The following ARHGAP6 variants were observed in gnomAD, a reference collection of about 807,000 sequenced individuals.
ARHGAP6 encodes the protein rho GTPase-activating protein 6.
A neutral mutation model predicts 55.7 loss-of-function variants in ARHGAP6; 16 were observed. That is an observed-to-expected ratio of 0.29 (90% CI 0.19 to 0.44). The LOEUF (loss-of-function observed/expected upper bound fraction) is 0.44. Among genes scored for constraint, ARHGAP6 ranks in the 20% least tolerant of loss-of-function variants. ARHGAP6 has a pLI of 1.00. For synonymous variants in ARHGAP6, 382 were observed against 360.9 expected (o/e 1.06, Z -0.66); for missense variants, 698 against 808.9 (o/e 0.86, Z 1.66).
At chrX:11,650,882 CAT>C (rs2052576635) in intron 1 of ARHGAP6, among the ~76,000 whole-genome samples, 1 of 112,348 alleles carries the variant, frequency 8.9e-6, no homozygotes, top group South Asian at 3.7e-4. Flanking sequence ...GGATAATCTT[CAT>C]ATCACCTTTC....
intron 10 of ARHGAP6, chrX:11,148,742 G>A (rs371520368): frequency 1.9e-5 from 7 of 368,020 alleles, no homozygotes; most frequent in Non-Finnish European, 2.6e-5. Flanking sequence ...GGAAAACTCC[G>A]GTTCAATCAC....
intron 1 of ARHGAP6, among the ~76,000 whole-genome samples, chrX:11,488,699 G>A (rs965696415): frequency 1.8e-5 from 2 of 110,926 alleles, no homozygotes; most frequent in Non-Finnish European, 3.8e-5. Flanking sequence ...TATTCTCAAA[G>A]GAGTGTGAAC....
intron 1 of ARHGAP6, among the ~76,000 whole-genome samples, chrX:11,268,088 G>A (rs748899225): frequency 3.2e-4 from 36 of 111,892 alleles, no homozygotes; most frequent in Admixed American, 6.6e-4. Context: ...AAGAATCTAT[G>A]CCATTAAGCA....
intron 1 of ARHGAP6, chrX:11,427,722 G>T (rs972553827): frequency 1.3e-6 from 1 of 783,340 alleles, no homozygotes; most frequent in African/African-American, 2.3e-5. Context: ...TGCGTGCCGA[G>T]TGCTGTGCAA....
At chrX:11,225,637 AT>A in intron 2 of ARHGAP6, 1 of 480,274 alleles carries the variant, frequency 2.1e-6, no homozygotes. Context: ...AATTTATCCG[AT>A]TTTAATCACT....
intron 1 of ARHGAP6, among the ~76,000 whole-genome samples, chrX:11,564,246 T>A (rs1314170526): frequency 1.8e-5 from 2 of 111,688 alleles, no homozygotes; most frequent in Non-Finnish European, 3.8e-5. Flanking sequence ...AAACAAAATT[T>A]CAGTATTAGG....
chrX:11,616,416 T>C (rs1314874534), intron 1 of ARHGAP6, among the ~76,000 whole-genome samples: 1 of 111,020 alleles, frequency 9.0e-6, no homozygotes, highest in Admixed American at 9.6e-5. Context: ...AACCTCTACC[T>C]CCCAGTTCAA....
intron 1 of ARHGAP6, among the ~76,000 whole-genome samples, chrX:11,414,609 T>C (rs1013682691): frequency 1.8e-5 from 2 of 110,803 alleles, no homozygotes; most frequent in African/African-American, 6.6e-5. Flanking sequence ...GAGGAAGATA[T>C]GGTGAAGGTG....
chrX:11,451,542 G>T (rs1212237057), intron 1 of ARHGAP6, among the ~76,000 whole-genome samples: 1 of 112,102 alleles, frequency 8.9e-6, no homozygotes, highest in Non-Finnish European at 1.9e-5. Context: ...TTATATGAAA[G>T]CGAATCTAGC....
At chrX:11,238,780 T>C (rs1037710257) in intron 2 of ARHGAP6, among the ~76,000 whole-genome samples, 11 of 111,459 alleles carry the variant, frequency 9.9e-5, no homozygotes, top group African/African-American at 3.3e-4. Context: ...GCTATACTAG[T>C]GAGCCTGGGA....
At chrX:11,352,034 T>C (rs1315761562) in intron 1 of ARHGAP6, among the ~76,000 whole-genome samples, 2 of 112,617 alleles carry the variant, frequency 1.8e-5, no homozygotes, top group African/African-American at 6.4e-5. Flanking sequence ...ATGTGTATAT[T>C]TTACTGTTGT....
chrX:11,195,368 A>G (rs979836469), intron 3 of ARHGAP6, among the ~76,000 whole-genome samples: 11 of 109,677 alleles, frequency 1.0e-4, no homozygotes, highest in Non-Finnish European at 2.1e-4. Flanking sequence ...AAAAAAAGGC[A>G]CAAAAAATTG....
intron 1 of ARHGAP6, among the ~76,000 whole-genome samples, chrX:11,559,493 T>A (rs751454853): frequency 8.9e-6 from 1 of 111,769 alleles, no homozygotes; most frequent in Non-Finnish European, 1.9e-5. Context: ...AATCACTGAT[T>A]TATTTATCTA....
chrX:11,479,737 T>A (rs2050437371), intron 1 of ARHGAP6, among the ~76,000 whole-genome samples: 1 of 112,145 alleles, frequency 8.9e-6, no homozygotes, highest in Non-Finnish European at 1.9e-5. Context: ...TCATCTCTCC[T>A]GGACCTTGAG....
At chrX:11,214,658 T>C (rs1446919335) in intron 2 of ARHGAP6, among the ~76,000 whole-genome samples, 5 of 113,285 alleles carry the variant, frequency 4.4e-5, no homozygotes, top group Non-Finnish European at 1.9e-5. Context: ...ACAGCTACCA[T>C]GGGTGGTCCC....
At chrX:11,428,346 C>T (rs112910357) in intron 1 of ARHGAP6, among the ~76,000 whole-genome samples, 1 of 111,621 alleles carries the variant, frequency 9.0e-6, no homozygotes, top group Non-Finnish European at 1.9e-5. Flanking sequence ...TAGGGTGACC[C>T]GAGTTCCAGG....
chrX:11,273,113 C>A (rs1413563953), intron 1 of ARHGAP6, among the ~76,000 whole-genome samples: 1 of 110,637 alleles, frequency 9.0e-6, no homozygotes, highest in Non-Finnish European at 1.9e-5. Flanking sequence ...CTACACCCCT[C>A]CCCAAACCTC....
intron 1 of ARHGAP6, among the ~76,000 whole-genome samples, chrX:11,618,132 G>A (rs62588052): frequency 0.16 from 17,206 of 110,633 alleles, 1,246 homozygotes; most frequent in Middle Eastern, 0.26. Flanking sequence ...ACAAACTAAG[G>A]AATGCAGGCA....
At chrX:11,357,981 C>G (rs1287069081) in intron 1 of ARHGAP6, among the ~76,000 whole-genome samples, 1 of 111,720 alleles carries the variant, frequency 9.0e-6, no homozygotes, top group Non-Finnish European at 1.9e-5. Flanking sequence ...TTACCACAAT[C>G]AACTTTGGAG....
Sources: gnomAD v4.1 joint callset for allele counts (sites outside exome capture counted in the v4.1 genomes callset) on GRCh38, gnomAD v4.1.1 for gene constraint, MANE v1.5 for transcripts, NCBI Gene and HGNC (gene_info 2026-07-23, HGNC 2026-07-21) for gene names.